The following PLXNA4 variants were observed in gnomAD, a reference collection of about 807,000 sequenced individuals.
The protein encoded by PLXNA4 is plexin A4, also known as plexin-A4.
Under a neutral mutation model 191.8 loss-of-function variants are expected in PLXNA4, and 44 were observed. The ratio of observed to expected loss-of-function variants is 0.23; its 90% CI spans 0.18 to 0.29. PLXNA4 has a LOEUF of 0.29. Among genes scored for constraint, PLXNA4 ranks in the 10% least tolerant of loss-of-function variants. The pLI is 1.00. For missense variants in PLXNA4, 1,800 were observed against 2,488.8 expected, an observed-to-expected ratio of 0.72 and a Z score of 5.89; for synonymous variants, 1,082 against 1,009.5, an observed-to-expected ratio of 1.07 and a Z score of -1.36.
Position 132,211,096 on chromosome 7 carries a change from C to T in PLXNA4, c.2145G>A (p.Glu715=), listed in dbSNP as rs771997402. The change falls in exon 10 of 32, where the codon GAG becomes GAA. Residue 715 remains glutamate, a synonymous_variant. Transcript: ENST00000321063. The stretch of plus-strand genomic sequence containing the variant: ...CCTTCAGCGTGATAGGCTTGATCAC[C>T]TCCACGGGCACCAGGATCTTGTCCA... ...LRVDKILVPV[E]VIKPITLKAK... is the part of the protein sequence containing the mutation. 2.5e-6 allele frequency: 4 copies of T among 1,585,736 alleles called. No individual in the cohort carries two copies. The highest frequency in any genetic ancestry group is 2.3e-5 in the East Asian group (1 of 43,378).
intron 2 of PLXNA4, among the ~76,000 whole-genome samples, chr7:132,501,688 A>G (rs1798262989): frequency 1.3e-5 from 2 of 152,140 alleles, no homozygotes; most frequent in Non-Finnish European, 2.9e-5. Flanking sequence ...CGGGCCTTTC[A>G]CCTAAATACC....
chr7:132,608,177 C>G (rs749579334), intron 2 of PLXNA4, among the ~76,000 whole-genome samples: 1,319 of 11,306 alleles, frequency 0.12, no homozygotes, highest in Middle Eastern at 0.14. Flanking sequence ...ATTCTCATCA[C>G]TATCACCATC....
At chr7:132,441,087 A>G (rs184472444) in intron 3 of PLXNA4, among the ~76,000 whole-genome samples, 1 of 152,372 alleles carries the variant, frequency 6.6e-6, no homozygotes, top group East Asian at 1.9e-4. Context: ...AATATAATAT[A>G]GGAACAGTAG....
intron 1 of PLXNA4, among the ~76,000 whole-genome samples, chr7:132,568,590 T>C (rs548815595): frequency 6.6e-6 from 1 of 152,282 alleles, no homozygotes; most frequent in East Asian, 1.9e-4. Flanking sequence ...CCACCCCAAT[T>C]CTGAACTGCA....
At position 132,490,136 on chromosome 7, in the gene PLXNA4, G is replaced by C. The variant is rs144581212; in HGVS notation, c.1189-662C>G. Among the ~76,000 whole-genome samples the C allele has an allele frequency of 3.8e-3, 574 of 152,288 alleles. 3 individuals carry two copies. Among genetic ancestry groups the C allele is most frequent in the African/African-American group, 0.013 (542 of 41,562 alleles). ...CCACAGCTGGTGCTTTATGAGCTCC[G>C]ACCTCAGGCTCCCTGTGTCTTTTAG... On this transcript the variant is annotated intron_variant, in intron 2 of 31. Transcript: ENST00000321063.
intron 2 of PLXNA4, among the ~76,000 whole-genome samples, chr7:132,505,572 G>A (rs1227368193): frequency 6.6e-6 from 1 of 152,164 alleles, no homozygotes; most frequent in Admixed American, 6.5e-5. Context: ...TTACATGTAT[G>A]CATGTATGGG....
intron 3 of PLXNA4, among the ~76,000 whole-genome samples, chr7:132,354,110 G>A (rs1803602190): frequency 6.6e-6 from 1 of 152,160 alleles, no homozygotes; most frequent in Non-Finnish European, 1.5e-5. Flanking sequence ...GTCCTGGCGG[G>A]TTTGGATTAA....
intron 3 of PLXNA4, among the ~76,000 whole-genome samples, chr7:132,398,515 G>T (rs569119225): frequency 2.3e-4 from 35 of 152,314 alleles, no homozygotes; most frequent in African/African-American, 8.4e-4. Flanking sequence ...GGGAACCCCA[G>T]CTCTGCGTTT....
intron 3 of PLXNA4, among the ~76,000 whole-genome samples, chr7:132,315,623 C>T (rs1801913809): frequency 6.6e-6 from 1 of 152,192 alleles, no homozygotes; most frequent in African/African-American, 2.4e-5. Context: ...TACACCTTGG[C>T]CCACATCTCA....
At chr7:132,383,621 A>T in intron 3 of PLXNA4, 1 of 983,846 alleles carries the variant, frequency 1.0e-6, no homozygotes, top group Non-Finnish European at 1.2e-6. Flanking sequence ...CTAAGTTTTC[A>T]ATGACTACAT....
chr7:132,458,525 T>A (rs1312562271), intron 3 of PLXNA4, among the ~76,000 whole-genome samples: 1 of 151,494 alleles, frequency 6.6e-6, no homozygotes, highest in East Asian at 2.0e-4. Flanking sequence ...GCTGGGTATC[T>A]CTCTCACAAA....
intron 1 of PLXNA4, among the ~76,000 whole-genome samples, chr7:132,551,122 A>C (rs1563166338): frequency 6.6e-6 from 1 of 152,080 alleles, no homozygotes; most frequent in South Asian, 2.1e-4. Context: ...GCCTCCTGAC[A>C]ATTCCCCAAC....
rs183881761 is a variant in PLXNA4 at position 132,488,619 on chromosome 7, C to T, written c.1371+673G>A. On this transcript the variant is annotated intron_variant, in intron 3 of 31. Transcript: ENST00000321063. ...CAGTTCCAACTCATGAGATGAGAAG[C>T]CTGAACACAAAACATCCCTGGGCGG... is the stretch of plus-strand genomic sequence containing the variant. 9.1e-4 allele frequency among the ~76,000 whole-genome samples: 139 copies of T among 152,292 alleles called. 2 individuals carry two copies. Among genetic ancestry groups the T allele is most frequent in the East Asian group, 6.8e-3 (35 of 5,178 alleles).
chr7:132,645,922 C>A (rs1803857821), intron 2 of PLXNA4: 1 of 152,656 alleles, frequency 6.6e-6, no homozygotes, highest in Non-Finnish European at 1.5e-5. Context: ...GTGCTTGAGC[C>A]AGTACCTTAA....
chr7:132,317,218 G>A (rs1252276388), intron 3 of PLXNA4, among the ~76,000 whole-genome samples: 1 of 151,698 alleles, frequency 6.6e-6, no homozygotes, highest in Non-Finnish European at 1.5e-5. Context: ...GTTGGGTTGT[G>A]TGTGCTGTGC....
At position 132,599,750 on chromosome 7, in the gene PLXNA4, G is replaced by A. The variant is rs148347344; in HGVS notation, c.-87+46178C>T. Among the ~76,000 whole-genome samples the A allele has an allele frequency of 5.9e-3, 898 of 151,002 alleles. 7 individuals carry two copies. Among genetic ancestry groups the A allele is most frequent in the Non-Finnish European group, 9.5e-3 (647 of 67,802 alleles). ...TCTTTCAATAGCACTGATAACGGCC[G>A]TCTTATTCTATTCTCAGTCTTAAGG... On this transcript the variant is annotated intron_variant, in intron 2 of 4. Transcript: ENST00000378539.
chr7:132,273,446 G>T (rs926900657), intron 4 of PLXNA4, among the ~76,000 whole-genome samples: 1 of 152,154 alleles, frequency 6.6e-6, no homozygotes, highest in Non-Finnish European at 1.5e-5. Context: ...CAGCTTTGCT[G>T]ACTGACCTCA....
At chr7:132,447,677 T>C (rs1319359177) in intron 3 of PLXNA4, among the ~76,000 whole-genome samples, 2 of 152,110 alleles carry the variant, frequency 1.3e-5, no homozygotes, top group East Asian at 1.9e-4. Flanking sequence ...CTTAGGAAGG[T>C]GAGCATCTCT....
chr7:132,377,592 G>A (rs1804712269), intron 3 of PLXNA4, among the ~76,000 whole-genome samples: 2 of 152,124 alleles, frequency 1.3e-5, no homozygotes, highest in South Asian at 4.1e-4. Context: ...GGGTACCACA[G>A]CCTCCCCTTC....
Sources: allele counts gnomAD v4.1 joint callset (sites outside exome capture counted in the v4.1 genomes callset), GRCh38; gene constraint gnomAD v4.1.1; transcripts MANE v1.5; gene names NCBI Gene and HGNC (gene_info 2026-07-23, HGNC 2026-07-21).